Variants in SLC20A2 observed in about 807,000 individuals in gnomAD.
SLC20A2 encodes sodium-dependent phosphate transporter 2.
Under a neutral mutation model 61.0 loss-of-function variants are expected in SLC20A2, and 30 were observed. That is an observed-to-expected ratio of 0.49 (90% CI 0.37 to 0.67). SLC20A2 has a LOEUF of 0.67. Ranked by LOEUF, SLC20A2 falls within the 30% of genes least tolerant of loss-of-function variation. The pLI is 0.00. For synonymous variants in SLC20A2, 351 were observed against 353.3 expected (o/e 0.99, Z 0.07); for missense variants, 626 against 866.4 (o/e 0.72, Z 3.48).
chr8:42,541,892 C>T (rs915076906), exon 1 of SLC20A2: 69 of 152,224 alleles, frequency 4.5e-4, no homozygotes, highest in African/African-American at 1.6e-3. Context: ...CCCTCGGCGT[C>T]GCGTGGAGCT....
At chr8:42,429,974 G>T in intron 9 of SLC20A2, 90 bp downstream of exon 9, 2 of 1,169,452 alleles carry the variant, frequency 1.7e-6, no homozygotes. Flanking sequence ...AACTGCCAGT[G>T]CTGAGCAGGC....
At chr8:42,449,302 C>T (rs1805471678) in intron 5 of SLC20A2, among the ~76,000 whole-genome samples, 1 of 152,162 alleles carries the variant, frequency 6.6e-6, no homozygotes, top group Admixed American at 6.5e-5. Context: ...GTTTTAGCCA[C>T]TAAAAGGCGC....
chr8:42,444,344 T>G (rs2131051009), intron 6 of SLC20A2, among the ~76,000 whole-genome samples: 1 of 152,336 alleles, frequency 6.6e-6, no homozygotes, highest in East Asian at 1.9e-4. Flanking sequence ...AAAATCTCCT[T>G]GTGGAGTTAA....
chr8:42,487,472 C>T (rs994310617), intron 1 of SLC20A2, among the ~76,000 whole-genome samples: 2 of 152,160 alleles, frequency 1.3e-5, no homozygotes, highest in African/African-American at 4.8e-5. Context: ...CCACCGTGCC[C>T]GGCCTATTTT....
intron 1 of SLC20A2, among the ~76,000 whole-genome samples, chr8:42,520,368 C>G (rs929916365): frequency 1.3e-5 from 2 of 151,636 alleles, no homozygotes; most frequent in African/African-American, 4.8e-5. Flanking sequence ...CACCCAGGAA[C>G]ACCAAAAAAA....
At chr8:42,499,383 T>C (rs1810173952) in intron 1 of SLC20A2, among the ~76,000 whole-genome samples, 1 of 152,138 alleles carries the variant, frequency 6.6e-6, no homozygotes, top group Admixed American at 6.5e-5. Flanking sequence ...ACTTATATAA[T>C]GAAAACCTTC....
intron 5 of SLC20A2, among the ~76,000 whole-genome samples, chr8:42,450,242 T>C (rs768471814): frequency 7.2e-5 from 11 of 152,012 alleles, no homozygotes; most frequent in Non-Finnish European, 1.0e-4. Context: ...TTCTTTTTTT[T>C]TTTGAGACTG....
chr8:42,423,687 C>T (rs16891294), intron 10 of SLC20A2, among the ~76,000 whole-genome samples: 9,053 of 152,210 alleles, frequency 0.059, 390 homozygotes, highest in Non-Finnish European at 0.087. Flanking sequence ...ATTTATCATA[C>T]GCTAAGACAG....
At chr8:42,438,265 C>T (rs889639729) in intron 7 of SLC20A2, among the ~76,000 whole-genome samples, 2 of 152,072 alleles carry the variant, frequency 1.3e-5, no homozygotes, top group Non-Finnish European at 2.9e-5. Context: ...AAACTTCATA[C>T]ATGAGACAAA....
chr8:42,432,068 C>T (rs936666755), intron 8 of SLC20A2, among the ~76,000 whole-genome samples: 2 of 152,202 alleles, frequency 1.3e-5, no homozygotes, highest in African/African-American at 4.8e-5. Flanking sequence ...TTAAGAAATA[C>T]ACTTTGTAGG....
At chr8:42,514,686 A>G (rs1390955578) in intron 1 of SLC20A2, among the ~76,000 whole-genome samples, 1 of 150,772 alleles carries the variant, frequency 6.6e-6, no homozygotes, top group Non-Finnish European at 1.5e-5. Flanking sequence ...TGAACTCAGG[A>G]GGTAGAGGTT....
chr8:42,417,934 A>C lies in SLC20A2; in HGVS notation c.1828T>G (p.Ser610Ala), dbSNP rs749019768. 1.1e-5 allele frequency: 18 copies of C among 1,613,768 alleles called. No individual in the cohort carries two copies. Among genetic ancestry groups the C allele is most frequent in the Non-Finnish European group, 6.8e-6 (8 of 1,179,842 alleles). Residue 610 changes from serine to alanine, a missense_variant, in exon 11 of 11, where the codon TCC becomes GCC. Ser to Ala is a moderately conservative substitution (Grantham distance 99). This residue lies in a region of SLC20A2 where 138 missense variants were observed against 228.7 expected (regional missense o/e 0.60). Coordinates refer to ENST00000520262, the MANE Select transcript of SLC20A2 (RefSeq NM_001257180.2). ...GSVVAVGWIR[S>A]RKAVDWRLFR... ...AGGCGCCAGTCCACAGCCTTGCGGG[A>C]GCGGATCCAGCCCACGGCCACCACC...
intron 2 of SLC20A2, chr8:42,471,309 G>A (rs996571246): frequency 1.1e-5 from 5 of 442,768 alleles, no homozygotes; most frequent in East Asian, 7.0e-5. Context: ...CCACGGGGCC[G>A]AGATCTGTGT....
intron 10 of SLC20A2, among the ~76,000 whole-genome samples, chr8:42,423,120 C>T (rs1430599255): frequency 2.0e-5 from 3 of 152,022 alleles, no homozygotes; most frequent in African/African-American, 7.2e-5. Context: ...ACAGGTTTTG[C>T]TGTTTGTATC....
chr8:42,516,736 T>G (rs1034163042), intron 1 of SLC20A2, among the ~76,000 whole-genome samples: 3 of 152,188 alleles, frequency 2.0e-5, no homozygotes, highest in Non-Finnish European at 4.4e-5. Flanking sequence ...TGACTTCCTT[T>G]CTCCATCCAC....
chr8:42,466,011 C>A, intron 2 of SLC20A2, 94 bp from the exon 3 acceptor site: 1 of 1,116,830 alleles, frequency 9.0e-7, no homozygotes, highest in Non-Finnish European at 1.2e-6. Flanking sequence ...ACAACATCTC[C>A]CAGAGTTTAA....
chr8:42,422,601 T>C (rs996806659), intron 10 of SLC20A2, among the ~76,000 whole-genome samples: 1 of 152,178 alleles, frequency 6.6e-6, no homozygotes, highest in Non-Finnish European at 1.5e-5. Context: ...TGAATTCCTC[T>C]AGTCAGCAGT....
chr8:42,428,731 A>G, intron 10 of SLC20A2, 27 bp downstream of exon 10: 1 of 1,598,858 alleles, frequency 6.3e-7, no homozygotes, highest in South Asian at 1.1e-5. Flanking sequence ...CGGCCTGGGG[A>G]AGGGCTCCCG....
At chr8:42,476,222 A>G (rs1808093861) in intron 1 of SLC20A2, among the ~76,000 whole-genome samples, 1 of 150,578 alleles carries the variant, frequency 6.6e-6, no homozygotes, top group African/African-American at 2.4e-5. Flanking sequence ...TCAGCCTCCG[A>G]AGTAGCTGGG....
Sources: allele counts gnomAD v4.1 joint callset (sites outside exome capture counted in the v4.1 genomes callset), GRCh38; gene constraint gnomAD v4.1.1; regional missense constraint gnomAD v4.1.1; transcripts MANE v1.5; gene names NCBI Gene and HGNC (gene_info 2026-07-23, HGNC 2026-07-21).